The following GPR55 variants were observed in gnomAD, a reference collection of about 807,000 sequenced individuals.
GPR55 encodes the protein G-protein coupled receptor 55.
GPR55 carries 6 observed loss-of-function variants against 7.9 expected under a neutral mutation model. That is an observed-to-expected ratio of 0.76 (90% CI 0.41 to 1.49). GPR55 has a LOEUF of 1.49. Ranked by LOEUF, GPR55 falls within the 40% of genes most tolerant of loss-of-function variation. GPR55 has a pLI of 0.01. For synonymous variants in GPR55, 183 were observed against 166.8 expected, an observed-to-expected ratio of 1.10 and a Z score of -0.75; for missense variants, 376 against 406.0, an observed-to-expected ratio of 0.93 and a Z score of 0.63.
At chr2:230,952,485 T>C (rs1282406777) in intron 1 of GPR55, among the ~76,000 whole-genome samples, 1 of 152,048 alleles carries the variant, frequency 6.6e-6, no homozygotes. Context: ...GGATGGCCAA[T>C]GCCCTCCCAA....
At chr2:230,957,694 A>G in intron 1 of GPR55, 1 of 547,724 alleles carries the variant, frequency 1.8e-6, no homozygotes, top group Admixed American at 1.9e-5. Context: ...GGGATTCAAT[A>G]TTGTATGGTT....
intron 1 of GPR55, among the ~76,000 whole-genome samples, chr2:230,943,702 T>C (rs1691269978): frequency 6.6e-6 from 1 of 152,038 alleles, no homozygotes; most frequent in East Asian, 1.9e-4. Flanking sequence ...TGAATGATCT[T>C]GCGCCCTCCC....
chr2:230,915,381 TC>T (rs1395018951), intron 1 of GPR55, among the ~76,000 whole-genome samples: 1 of 152,096 alleles, frequency 6.6e-6, no homozygotes, highest in African/African-American at 2.4e-5. Flanking sequence ...CTTTCTACCA[TC>T]CGCAGCAGGG....
intron 1 of GPR55, among the ~76,000 whole-genome samples, chr2:230,914,670 G>T (rs565341421): frequency 1.4e-4 from 21 of 152,110 alleles, no homozygotes; most frequent in Non-Finnish European, 3.1e-4. Flanking sequence ...AACGGGGCGG[G>T]GGGCAGCAAC....
intron 1 of GPR55, among the ~76,000 whole-genome samples, chr2:230,951,138 T>C (rs1175783511): frequency 6.6e-6 from 1 of 152,176 alleles, no homozygotes; most frequent in Non-Finnish European, 1.5e-5. Flanking sequence ...AACTTGAAGT[T>C]GGTCGGTCAG....
At chr2:230,919,806 C>A (rs1451367795) in intron 1 of GPR55, among the ~76,000 whole-genome samples, 1 of 152,022 alleles carries the variant, frequency 6.6e-6, no homozygotes, top group Non-Finnish European at 1.5e-5. Flanking sequence ...TACATACACA[C>A]ATGTAAATGC....
chr2:230,909,672 A>C lies in GPR55; in HGVS notation c.*331T>G. 4.4e-6 allele frequency: 1 copy of C among 229,280 alleles called. No individual in the cohort carries two copies. Among genetic ancestry groups the C allele is most frequent in the Non-Finnish European group, 8.6e-6 (1 of 116,680 alleles). The allele number at this position is 229,280 out of a possible 1,614,324, so 14.2% of individuals were successfully genotyped here. On this transcript the variant is annotated 3_prime_UTR_variant, in exon 2 of 2. Transcript: ENST00000650999. ...CCAGAACCTCCCAGTCGAACAGGAA[A>C]ATGGGGAGAGTTGGAAACAGCCTTG...
chr2:230,933,677 A>G (rs1220591976), intron 1 of GPR55, among the ~76,000 whole-genome samples: 4 of 152,150 alleles, frequency 2.6e-5, no homozygotes, highest in Non-Finnish European at 5.9e-5. Flanking sequence ...CTCTCTCCTT[A>G]CAGGGCTTGC....
intron 1 of GPR55, among the ~76,000 whole-genome samples, chr2:230,918,485 C>T (rs1490336991): frequency 1.3e-5 from 2 of 152,116 alleles, no homozygotes; most frequent in South Asian, 2.1e-4. Flanking sequence ...TTAAAATAGG[C>T]TCTAGCTTAT....
upstream of GPR55, among the ~76,000 whole-genome samples, chr2:230,927,894 C>T (rs1690970033): frequency 6.6e-6 from 1 of 152,208 alleles, no homozygotes; most frequent in African/African-American, 2.4e-5. Context: ...ACCTGCCCAC[C>T]AGGGGGTTTG....
intron 1 of GPR55, among the ~76,000 whole-genome samples, chr2:230,941,199 G>A (rs76274096): frequency 0.024 from 3,700 of 152,212 alleles, 138 homozygotes; most frequent in African/African-American, 0.085. Flanking sequence ...TAGATGCTCT[G>A]TCCAGCACCC....
At chr2:230,957,406 A>T (rs963706047) in intron 1 of GPR55, among the ~76,000 whole-genome samples, 1 of 152,178 alleles carries the variant, frequency 6.6e-6, no homozygotes, top group Non-Finnish European at 1.5e-5. Context: ...GATACGCGGG[A>T]CAGAGGGATG....
In GPR55 at chr2:230,909,452, T is replaced by G. The variant is rs1469722968; in HGVS notation, c.*551A>C. ...CAGCCCCAACACCACCCCTTCTTGCTGTCATCTCAGTGAGGCTTTTGGCAA... is the reference window on the plus strand; with the variant it reads ...CAGCCCCAACACCACCCCTTCTTGCGGTCATCTCAGTGAGGCTTTTGGCAA... On this transcript the variant is annotated 3_prime_UTR_variant, in exon 2 of 2. Coordinates refer to ENST00000650999, the MANE Select transcript of GPR55 (RefSeq NM_005683.4). 6.5e-6 allele frequency: 1 copy of G among 153,666 alleles called. No individual in the cohort carries two copies. Among genetic ancestry groups the G allele is most frequent in the Non-Finnish European group, 1.4e-5 (1 of 69,118 alleles). The allele number at this position is 153,666 out of a possible 1,614,324, so 9.5% of individuals were successfully genotyped here. A position where few individuals can be genotyped will look rare whatever the true frequency, so the allele number is the denominator to read the frequency against.
upstream of GPR55, chr2:230,929,685 A>AATGTG (rs1691001086): frequency 6.6e-6 from 1 of 152,208 alleles, no homozygotes; most frequent in Non-Finnish European, 1.5e-5. Context: ...CAGAAGTTGG[A>AATGTG]CAAAGGTGGT....
At chr2:230,952,146 G>A (rs1470635189) in intron 1 of GPR55, among the ~76,000 whole-genome samples, 2 of 152,172 alleles carry the variant, frequency 1.3e-5, no homozygotes, top group Admixed American at 1.3e-4. Context: ...GCTCTCATCA[G>A]GACATGTGGG....
chr2:230,943,472 A>G (rs1297659507), intron 1 of GPR55, among the ~76,000 whole-genome samples: 2 of 152,200 alleles, frequency 1.3e-5, no homozygotes, highest in Admixed American at 6.5e-5. Flanking sequence ...AGCAGTGCCC[A>G]TGTTTGTCTC....
rs2125058383 is a variant in GPR55, at chr2:230,925,187, G to C, written c.-154C>G. 1 of 152,852 alleles carries C rather than the reference G, an allele frequency of 6.5e-6. No homozygotes were observed. The highest frequency in any genetic ancestry group is 6.5e-5 in the Admixed American group (1 of 15,306). 9.5% of individuals were successfully genotyped at this position (152,852 alleles called of 1,614,324 possible). ...TGTTACCTGTTGGTGGTCCGGTGCA[G>C]CTGAGAGGGCTGAGAGATGTCATTT... On this transcript the variant is annotated 5_prime_UTR_variant, in exon 1 of 2. Coordinates refer to ENST00000650999, the MANE Select transcript of GPR55 (RefSeq NM_005683.4).
chr2:230,930,126 C>G (rs573844075), upstream of GPR55, among the ~76,000 whole-genome samples: 2 of 152,260 alleles, frequency 1.3e-5, no homozygotes, highest in Non-Finnish European at 2.9e-5. Context: ...CTGAGTACCC[C>G]CTCTGGCCTC....
chr2:230,910,822 G>T lies in GPR55; in HGVS notation c.141C>A (p.Thr47=). The T allele has an allele frequency of 6.2e-7, 1 of 1,614,182 alleles. No individual in the cohort carries two copies. The highest frequency in any genetic ancestry group is 8.5e-7 in the Non-Finnish European group (1 of 1,180,022). The stretch of plus-strand genomic sequence containing the variant: ...AATCGGGCCACCTGTTCTTAAGGAA[G>T]GTGCTGAAGCCATGGATGGCCAGCA... ...LNLLAIHGFS[T]FLKNRWPDYA... The change falls in exon 2 of 2, where the codon ACC becomes ACA. Residue 47 remains threonine, a synonymous_variant. Transcript: ENST00000650999. This position sits in a 1 kb window ranked among gnomAD's most constrained non-coding sequence, Gnocchi z 5.4.
Sources: allele counts gnomAD v4.1 joint callset (sites outside exome capture counted in the v4.1 genomes callset), GRCh38; gene constraint gnomAD v4.1.1; non-coding constraint Gnocchi (gnomAD v3.1); transcripts MANE v1.5; gene names NCBI Gene and HGNC (gene_info 2026-07-23, HGNC 2026-07-21).